CNIH3: variants seen among roughly 807,000 people sequenced by gnomAD.
The protein encoded by CNIH3 is protein cornichon homolog 3.
Under a neutral mutation model 24.1 loss-of-function variants are expected in CNIH3, and 14 were observed. The ratio of observed to expected loss-of-function variants is 0.58; its 90% CI spans 0.38 to 0.91. CNIH3 has a LOEUF of 0.91. Among genes scored for constraint, CNIH3 ranks in the 40% least tolerant of loss-of-function variants. CNIH3 has a pLI of 0.00. For synonymous variants in CNIH3, 68 were observed against 73.8 expected (o/e 0.92, Z 0.40); for missense variants, 178 against 196.8 (o/e 0.90, Z 0.57).
At chr1:224,436,403 C>T in intron 1 of CNIH3, among the ~76,000 whole-genome samples, 1 of 152,078 alleles carries the variant, frequency 6.6e-6, no homozygotes, top group Admixed American at 6.5e-5. Flanking sequence ...TTATTAGGCC[C>T]ATAGCAACAT....
At chr1:224,738,996 C>T (rs1415007877) in intron 5 of CNIH3, among the ~76,000 whole-genome samples, 2 of 152,152 alleles carry the variant, frequency 1.3e-5, no homozygotes, top group Admixed American at 1.3e-4. Context: ...TGCACCCCCA[C>T]CTCCACCCCC....
At position 224,616,480 on chromosome 1, in the gene CNIH3, T is replaced by A; in HGVS notation, c.-695T>A. 1 of 987,762 alleles carries A rather than the reference T, an allele frequency of 1.0e-6. No homozygotes were observed. The highest frequency in any genetic ancestry group is 1.2e-6 in the Non-Finnish European group (1 of 831,020). 61.2% of individuals were successfully genotyped at this position (987,762 alleles called of 1,614,324 possible). ...TCCGACCCCCGGTTTCCGGGACACT[T>A]GGGTTGCGGAGGCCGGCTGGCCGGA... On this transcript the variant is annotated 5_prime_UTR_variant, in exon 1 of 6. Transcript: ENST00000272133.
chr1:224,615,948 C>T (rs1196617057), upstream of CNIH3: 1 of 152,904 alleles, frequency 6.5e-6, no homozygotes, highest in Non-Finnish European at 1.5e-5. Context: ...ATAGGCGAAA[C>T]TGCAAGAACC....
chr1:224,714,577 T>A (rs1688326963), intron 3 of CNIH3, among the ~76,000 whole-genome samples: 1 of 152,218 alleles, frequency 6.6e-6, no homozygotes, highest in Admixed American at 6.5e-5. Context: ...TTGCACACAT[T>A]CCCTGTGCCG....
At chr1:224,475,807 G>A (rs1276892482) in intron 1 of CNIH3, among the ~76,000 whole-genome samples, 3 of 151,990 alleles carry the variant, frequency 2.0e-5, no homozygotes, top group Non-Finnish European at 4.4e-5. Context: ...AAAACTACAG[G>A]CCAATATTCC....
chr1:224,588,388 A>G (rs2125024197), exon 6 of CNIH3: 1 of 152,300 alleles, frequency 6.6e-6, no homozygotes, highest in Admixed American at 6.5e-5. Context: ...TGCATACGGC[A>G]GGAGTGTGAG....
At chr1:224,519,824 C>T (rs182068213) in intron 1 of CNIH3, among the ~76,000 whole-genome samples, 1 of 151,926 alleles carries the variant, frequency 6.6e-6, no homozygotes, top group African/African-American at 2.4e-5. Context: ...CTACTAGCCA[C>T]ATGTGGCTAT....
intron 1 of CNIH3, among the ~76,000 whole-genome samples, chr1:224,455,059 G>A (rs1390783394): frequency 6.6e-6 from 1 of 152,146 alleles, no homozygotes; most frequent in Non-Finnish European, 1.5e-5. Flanking sequence ...GAACTTCATA[G>A]CTTAGCCTAG....
At chr1:224,489,902 C>T (rs1677177417) in intron 1 of CNIH3, among the ~76,000 whole-genome samples, 1 of 152,182 alleles carries the variant, frequency 6.6e-6, no homozygotes, top group Non-Finnish European at 1.5e-5. Context: ...GCACTAATCC[C>T]ATTGATGAGG....
chr1:224,629,814 CCT>C (rs1362718822), intron 1 of CNIH3, among the ~76,000 whole-genome samples: 1 of 152,100 alleles, frequency 6.6e-6, no homozygotes, highest in Non-Finnish European at 1.5e-5. Context: ...TCTCTGCTGT[CCT>C]CTCTCGGCTG....
intron 1 of CNIH3, among the ~76,000 whole-genome samples, chr1:224,509,071 C>G (rs899030635): frequency 2.6e-5 from 4 of 152,178 alleles, no homozygotes; most frequent in Admixed American, 1.3e-4. Context: ...GCTTGTAATC[C>G]CAACACTTTG....
At chr1:224,443,811 TAGTG>T (rs1219729440) in intron 1 of CNIH3, among the ~76,000 whole-genome samples, 2 of 152,018 alleles carry the variant, frequency 1.3e-5, no homozygotes, top group Non-Finnish European at 2.9e-5. Flanking sequence ...GACTGCCTGA[TAGTG>T]AGGGGATAGC....
chr1:224,615,279 A>C (rs1301704825), upstream of CNIH3: 1 of 151,934 alleles, frequency 6.6e-6, no homozygotes, highest in African/African-American at 2.4e-5. Flanking sequence ...GAGATTTGCC[A>C]GTCGTCTTTC....
chr1:224,649,948 G>A (rs1684789328), intron 1 of CNIH3, among the ~76,000 whole-genome samples: 1 of 152,218 alleles, frequency 6.6e-6, no homozygotes, highest in Non-Finnish European at 1.5e-5. Context: ...AGAGGTCTCT[G>A]AAATGGCAGA....
intron 3 of CNIH3, among the ~76,000 whole-genome samples, chr1:224,564,618 C>T (rs1205632546): frequency 6.6e-6 from 1 of 152,230 alleles, no homozygotes; most frequent in Non-Finnish European, 1.5e-5. Context: ...GCTGACGATA[C>T]TTGGATGGAG....
intron 1 of CNIH3, among the ~76,000 whole-genome samples, chr1:224,662,471 G>A (rs1216688920): frequency 1.3e-5 from 2 of 151,938 alleles, no homozygotes; most frequent in South Asian, 2.1e-4. Context: ...ATTTTGTTTT[G>A]GCTGGGTTTA....
At chr1:224,613,865 T>C (rs1192642262), upstream of CNIH3, among the ~76,000 whole-genome samples, 1 of 151,616 alleles carries the variant, frequency 6.6e-6, no homozygotes, top group Non-Finnish European at 1.5e-5. Flanking sequence ...CTTTATAAAG[T>C]ACCCAGCCTC....
chr1:224,648,539 G>A (rs1282715025), intron 1 of CNIH3, among the ~76,000 whole-genome samples: 1 of 152,006 alleles, frequency 6.6e-6, no homozygotes, highest in African/African-American at 2.4e-5. Context: ...TGTCTGTTTC[G>A]TGCCAGGTAC....
At chr1:224,440,308 C>T (rs914353677) in intron 1 of CNIH3, among the ~76,000 whole-genome samples, 4 of 152,178 alleles carry the variant, frequency 2.6e-5, no homozygotes, top group African/African-American at 9.7e-5. Flanking sequence ...TAGCTCACTG[C>T]AGCCTCAACC....
Sources: gnomAD v4.1 joint callset for allele counts (sites outside exome capture counted in the v4.1 genomes callset) on GRCh38, gnomAD v4.1.1 for gene constraint, MANE v1.5 for transcripts, NCBI Gene and HGNC (gene_info 2026-07-23, HGNC 2026-07-21) for gene names.